The following LRBA variants were observed in gnomAD, a reference collection of about 807,000 sequenced individuals.
LRBA encodes the protein lipopolysaccharide-responsive and beige-like anchor protein.
In LRBA, 176 loss-of-function variants were observed where a neutral mutation model predicts 330.0. The observed-to-expected ratio is 0.53, with a 90% CI of 0.47 to 0.60. The LOEUF (loss-of-function observed/expected upper bound fraction) is 0.60. Ranked by LOEUF, LRBA falls within the 20% of genes least tolerant of loss-of-function variation. The pLI, the probability that LRBA is intolerant of heterozygous loss-of-function variation, is 0.00. For synonymous variants in LRBA, 1,230 were observed against 1,193.0 expected, an observed-to-expected ratio of 1.03 and a Z score of -0.64; for missense variants, 3,259 against 3,444.8, an observed-to-expected ratio of 0.95 and a Z score of 1.35.
At chr4:150,970,719 T>C (rs1230181650) in intron 2 of LRBA, 2 of 152,090 alleles carry the variant, frequency 1.3e-5, no homozygotes, top group Non-Finnish European at 2.9e-5. Context: ...TAATCAGGCC[T>C]AACTCCGCTT....
At chr4:150,963,906 C>G (rs1376105683) in intron 2 of LRBA, among the ~76,000 whole-genome samples, 2 of 147,864 alleles carry the variant, frequency 1.4e-5, no homozygotes, top group Non-Finnish European at 2.9e-5. Flanking sequence ...AGCGCCTGTG[C>G]CCCGCCGCCC....
At chr4:150,996,085 A>T (rs1038070502) in intron 2 of LRBA, among the ~76,000 whole-genome samples, 5 of 151,166 alleles carry the variant, frequency 3.3e-5, no homozygotes, top group Non-Finnish European at 5.9e-5. Context: ...AAAAAAAAAA[A>T]AGTCAAGATG....
At chr4:150,385,322 CA>C (rs1311903160) in intron 47 of LRBA, among the ~76,000 whole-genome samples, 3 of 151,852 alleles carry the variant, frequency 2.0e-5, no homozygotes, top group Non-Finnish European at 2.9e-5. Flanking sequence ...ACTTTTAATA[CA>C]AAAAATCTGC....
rs1771613815 is a variant in LRBA at position 150,583,121 on chromosome 4, T to C, written c.6330+4927A>G. ...CGCAAGGCGGCCATCGCCAAAACCA[T>C]CCGAGAGGTCTGTAAGGTGGTCTCG... On this transcript the variant is annotated intron_variant, in intron 40 of 56. Transcript: ENST00000651943. The surrounding 1 kb of genome is among the most constrained non-coding windows in gnomAD (Gnocchi z 9.8). 7 of 1,614,112 alleles carry C rather than the reference T, an allele frequency of 4.3e-6. No homozygotes were observed. Among genetic ancestry groups the C allele is most frequent in the Non-Finnish European group, 5.1e-6 (6 of 1,180,014 alleles).
At chr4:150,333,053 G>C (rs1734194353) in intron 48 of LRBA, among the ~76,000 whole-genome samples, 1 of 152,076 alleles carries the variant, frequency 6.6e-6, no homozygotes, top group South Asian at 2.1e-4. Flanking sequence ...TAGACAGAAT[G>C]AAAGGAAGAA....
intron 47 of LRBA, among the ~76,000 whole-genome samples, chr4:150,374,880 G>C (rs1581145871): frequency 6.6e-6 from 1 of 152,330 alleles, no homozygotes; most frequent in South Asian, 2.1e-4. Flanking sequence ...CGAAAGAATA[G>C]CTTAGCCTGA....
intron 20 of LRBA, among the ~76,000 whole-genome samples, chr4:150,870,212 A>G (rs933721250): frequency 6.6e-6 from 1 of 152,228 alleles, no homozygotes; most frequent in Non-Finnish European, 1.5e-5. Context: ...AACTACCCCA[A>G]TGGTTCTTGT....
At chr4:150,754,639 A>T (rs933603374) in intron 35 of LRBA, among the ~76,000 whole-genome samples, 3 of 152,084 alleles carry the variant, frequency 2.0e-5, no homozygotes, top group Non-Finnish European at 4.4e-5. Flanking sequence ...TGTTTACAAG[A>T]TGTAATTAAG....
intron 40 of LRBA, chr4:150,584,016 C>A: frequency 1.9e-6 from 3 of 1,613,998 alleles, no homozygotes; most frequent in Non-Finnish European, 1.7e-6. Context: ...TCTTTCAGGG[C>A]AAGCCCCATT....
At position 150,896,401 on chromosome 4, in the gene LRBA, A is replaced by G; in HGVS notation, c.2060T>C (p.Met687Thr). Residue 687 changes from methionine (M) to threonine (T), a missense_variant, in exon 16 of 57, where the codon ATG becomes ACG. Transcript: ENST00000651943. ...LQAILNYLLT[M>T]HEDDNLMDVL... Reference sequence around the variant, plus strand: ...ATAAAATTCATATATTACCTCATGCATAGTCAGTAGGTAATTAAGAATGGC... The same window carrying G: ...ATAAAATTCATATATTACCTCATGCGTAGTCAGTAGGTAATTAAGAATGGC... 1 of 1,513,962 alleles carries G rather than the reference A, an allele frequency of 6.6e-7. No homozygotes were observed. The highest frequency in any genetic ancestry group is 9.1e-7 in the Non-Finnish European group (1 of 1,099,848). 93.8% of individuals were successfully genotyped at this position (1,513,962 alleles called of 1,614,324 possible).
intron 53 of LRBA, among the ~76,000 whole-genome samples, chr4:150,294,110 CG>C (rs1203180833): frequency 1.3e-5 from 2 of 152,102 alleles, no homozygotes; most frequent in Non-Finnish European, 2.9e-5. Flanking sequence ...GTTGGCACCC[CG>C]ACTCCTGTGT....
chr4:150,587,835 T>G (rs1772308552), intron 40 of LRBA, among the ~76,000 whole-genome samples: 1 of 152,206 alleles, frequency 6.6e-6, no homozygotes, highest in African/African-American at 2.4e-5. Context: ...ATAAATGTCA[T>G]TAAGTAGAAT....
chr4:150,676,988 C>T (rs2126888566), intron 37 of LRBA, among the ~76,000 whole-genome samples: 1 of 152,268 alleles, frequency 6.6e-6, no homozygotes, highest in African/African-American at 2.4e-5. Flanking sequence ...CTGAATCAAT[C>T]TTATCCTTCA....
chr4:150,850,627 C>T, intron 24 of LRBA, 97 bp downstream of exon 24: 1 of 695,104 alleles, frequency 1.4e-6, no homozygotes, highest in Non-Finnish European at 2.2e-6. Flanking sequence ...ACTTTTTAAC[C>T]AAATGTCTGA....
chr4:150,277,944 C>G lies in LRBA; in HGVS notation c.8377G>C (p.Val2793Leu). The change falls in exon 56 of 57, where the codon GTG (valine) becomes CTG (leucine). Residue 2793 changes from valine to leucine, a missense_variant. Val to Leu is a conservative substitution (Grantham distance 32). Transcript: ENST00000651943. Reference protein sequence around the residue: ...LLTGGDRGVVVVRQVSDLKQL... With the variant: ...LLTGGDRGVVLVRQVSDLKQL... ...TTGAGGTCCGACACCTGCCGGACCA[C>G]GACCACTCCTCTGTCTCCTCCTGTG... 6.2e-7 allele frequency: 1 copy of G among 1,614,144 alleles called. No individual in the cohort carries two copies. Among genetic ancestry groups the G allele is most frequent in the South Asian group, 1.1e-5 (1 of 91,080 alleles).
intron 47 of LRBA, among the ~76,000 whole-genome samples, chr4:150,400,802 G>A (rs1438591370): frequency 6.6e-6 from 1 of 152,138 alleles, no homozygotes; most frequent in Admixed American, 6.6e-5. Context: ...ATCAGCCACT[G>A]CACTCCAGCC....
intron 48 of LRBA, among the ~76,000 whole-genome samples, chr4:150,338,239 A>C (rs1735004866): frequency 6.6e-6 from 1 of 152,198 alleles, no homozygotes; most frequent in South Asian, 2.1e-4. Context: ...TAAACTGGGC[A>C]ATATCACGGC....
intron 47 of LRBA, among the ~76,000 whole-genome samples, chr4:150,410,417 G>A (rs964619002): frequency 1.3e-5 from 2 of 152,144 alleles, no homozygotes; most frequent in Non-Finnish European, 1.5e-5. Context: ...ATTCTCTGAT[G>A]ATAATGGAAA....
At chr4:150,718,589 C>T (rs751984102) in intron 36 of LRBA, among the ~76,000 whole-genome samples, 1 of 152,042 alleles carries the variant, frequency 6.6e-6, no homozygotes, top group Non-Finnish European at 1.5e-5. Flanking sequence ...AAAAAATATA[C>T]GTTTGCTCTC....
Sources: gnomAD v4.1 joint callset for allele counts (sites outside exome capture counted in the v4.1 genomes callset) on GRCh38, gnomAD v4.1.1 for gene constraint, Gnocchi (gnomAD v3.1) non-coding constraint, MANE v1.5 for transcripts, NCBI Gene and HGNC (gene_info 2026-07-23, HGNC 2026-07-21) for gene names.